TRPV5: variants seen among roughly 807,000 people sequenced by gnomAD.
The protein encoded by TRPV5 is calcium transport protein 2.
In TRPV5, 66 loss-of-function variants were observed where a neutral mutation model predicts 74.1. The ratio of observed to expected loss-of-function variants is 0.89; its 90% confidence interval spans 0.73 to 1.09. The LOEUF (loss-of-function observed/expected upper bound fraction) is 1.09, where lower values mean the gene tolerates loss of function less well. Ranked by LOEUF, TRPV5 falls within the 50% of genes least tolerant of loss-of-function variation. TRPV5 has a pLI of 0.00. For synonymous variants in TRPV5, 399 were observed against 360.7 expected, an observed-to-expected ratio of 1.11 and a Z score of -1.20; for missense variants, 936 against 930.4, an observed-to-expected ratio of 1.01 and a Z score of -0.08.
rs545903248 is a variant in TRPV5, at chr7:142,908,202, C to T, written c.*312G>A. ...ACAGCTTACTACTTTCTAGGGGCTGCGTGGGGCAGAAGAGAAATGGTCCTG... is the reference window on the plus strand; with the variant it reads ...ACAGCTTACTACTTTCTAGGGGCTGTGTGGGGCAGAAGAGAAATGGTCCTG... On this transcript the variant is annotated 3_prime_UTR_variant, in exon 15 of 15. Coordinates refer to ENST00000265310, the MANE Select transcript of TRPV5 (RefSeq NM_019841.7). The T allele has an allele frequency of 7.1e-6, 3 of 419,594 alleles. No individual in the cohort carries two copies. Among genetic ancestry groups the T allele is most frequent in the South Asian group, 3.6e-5 (1 of 28,036 alleles). The allele number at this position is 419,594 out of a possible 1,614,324, so 26.0% of individuals were successfully genotyped here.
At position 142,911,911 on chromosome 7, in the gene TRPV5, C is replaced by T. The variant is rs796160304; in HGVS notation, c.1788+571G>A. Among the ~76,000 whole-genome samples the T allele has an allele frequency of 9.8e-5, 15 of 152,322 alleles. No individual in the cohort carries two copies. In the East Asian group the frequency reaches 2.9e-3, roughly 29 times the overall value. The stretch of plus-strand genomic sequence containing the variant: ...TTTTAGCTCAATGCGACATAAATGT[C>T]TAATAACAAAATCTTTAAAAATATG... On this transcript the variant is annotated intron_variant, in intron 13 of 14. Transcript: ENST00000265310.
chr7:142,931,688 A>C (rs1796099400), intron 1 of TRPV5, among the ~76,000 whole-genome samples: 1 of 152,004 alleles, frequency 6.6e-6, no homozygotes, highest in Non-Finnish European at 1.5e-5. Flanking sequence ...CAGGGCGAAA[A>C]AGTGTTTTTA....
rs907479774 is a variant in TRPV5, at chr7:142,915,636, G to A, written c.1123-68C>T. 10 of 1,510,780 alleles carry A rather than the reference G, an allele frequency of 6.6e-6. No homozygotes were observed. The East Asian group carries it at 9.3e-5, about 14-fold the overall frequency. 93.6% of individuals were successfully genotyped at this position (1,510,780 alleles called of 1,614,324 possible). ...GTCAAATCCTTTTGTGCAAATGATC[G>A]AAAGCTGCTAAAGCCCATCCAAAAT... is the stretch of plus-strand genomic sequence containing the variant. On this transcript the variant is annotated intron_variant, in intron 8 of 14. Coordinates refer to ENST00000265310, the MANE Select transcript of TRPV5 (RefSeq NM_019841.7).
intron 13 of TRPV5, among the ~76,000 whole-genome samples, chr7:142,911,382 T>C (rs1040688997): frequency 6.6e-6 from 1 of 152,202 alleles, no homozygotes; most frequent in Non-Finnish European, 1.5e-5. Context: ...GAGTTTGGTT[T>C]TCTGTCCCTG....
chr7:142,922,075 T>G (rs143321954), intron 8 of TRPV5, among the ~76,000 whole-genome samples: 6 of 152,334 alleles, frequency 3.9e-5, no homozygotes, highest in Non-Finnish European at 8.8e-5. Context: ...AAAATAATAT[T>G]GATGCCAACA....
intron 1 of TRPV5, among the ~76,000 whole-genome samples, chr7:142,931,017 A>AT (rs35738386): frequency 0.035 from 3,501 of 100,272 alleles, 245 homozygotes; most frequent in Middle Eastern, 0.039. Flanking sequence ...CCCTCAGGCT[A>AT]TTTTTTTTTT....
In TRPV5 at chr7:142,912,654, G is replaced by A; in HGVS notation, c.1616C>T (p.Thr539Ile). The change falls in exon 13 of 15, where the codon ACT becomes ATT. Residue 539 changes from threonine to isoleucine, a missense_variant. Physicochemically the swap from Thr to Ile is moderately conservative, Grantham distance 89. Coordinates refer to ENST00000265310, the MANE Select transcript of TRPV5 (RefSeq NM_019841.7). ...ALFTTFELFL[T>I]VIDAPANYDV... ...GTAGTTGGCAGGTGCATCAATAACAGTGAGAAAAAGCTCAAAGGTGGTGAA... is the reference window on the plus strand; with the variant it reads ...GTAGTTGGCAGGTGCATCAATAACAATGAGAAAAAGCTCAAAGGTGGTGAA... The A allele has an allele frequency of 1.9e-6, 3 of 1,614,228 alleles. No homozygotes were observed. Among genetic ancestry groups the A allele is most frequent in the Non-Finnish European group, 2.5e-6 (3 of 1,180,038 alleles).
chr7:142,915,278 G>A (rs1256151607), intron 10 of TRPV5, 29 bp downstream of exon 10: 1 of 1,606,840 alleles, frequency 6.2e-7, no homozygotes, highest in Admixed American at 1.7e-5. Context: ...GTAAGGAAAG[G>A]CAGGGGGCTG....
At chr7:142,913,318 G>C (rs1251712543) in intron 12 of TRPV5, among the ~76,000 whole-genome samples, 1 of 152,192 alleles carries the variant, frequency 6.6e-6, no homozygotes, top group African/African-American at 2.4e-5. Context: ...TGAGCGTAAG[G>C]GAACTTCAGG....
chr7:142,910,671 C>T (rs1795689461), intron 13 of TRPV5, among the ~76,000 whole-genome samples: 1 of 152,208 alleles, frequency 6.6e-6, no homozygotes, highest in Non-Finnish European at 1.5e-5. Flanking sequence ...TTCTTAATTG[C>T]ACCAAGTTCC....
At chr7:142,921,894 T>C (rs556157497) in intron 8 of TRPV5, among the ~76,000 whole-genome samples, 4 of 152,350 alleles carry the variant, frequency 2.6e-5, no homozygotes, top group South Asian at 4.1e-4. Context: ...TATTCCTGCC[T>C]TGAGGCGTTT....
rs1795977110 is a variant in TRPV5 at position 142,925,740 on chromosome 7, GC to G, written c.910del (p.Ala304LeufsTer10). On this transcript the variant is annotated frameshift_variant and splice_region_variant, in exon 8 of 15. Coordinates refer to ENST00000265310, the MANE Select transcript of TRPV5 (RefSeq NM_019841.7). LOFTEE classifies it high-confidence loss of function. Reference protein sequence around the residue: ...ELVVSSDKREARQILEQTPVK... With the variant: ...ELVVSSDKREXRQILEQTPVK... ...TGGGGTCTGTTCCAGAATTTGGCGAGCCTGGCATGGAAGTAGAGTGAAACTT... is the reference window on the plus strand; with the variant it reads ...TGGGGTCTGTTCCAGAATTTGGCGAGCTGGCATGGAAGTAGAGTGAAACTT... The G allele has an allele frequency of 6.2e-7, 1 of 1,613,394 alleles. No homozygotes were observed. Among genetic ancestry groups the G allele is most frequent in the African/African-American group, 1.3e-5 (1 of 74,896 alleles).
In TRPV5 at chr7:142,930,404, G is replaced by A; in HGVS notation, c.171C>T (p.Asp57=). Residue 57 remains aspartate (D), a synonymous_variant, in exon 2 of 15, where the codon GAC becomes GAT. Coordinates refer to ENST00000265310, the MANE Select transcript of TRPV5 (RefSeq NM_019841.7). ...GTAGAAGTTGCCTAAGAACAGACAG[G>A]TCATTTTCCTTGGATGCTCGAAGCA... ...SPLLRASKEN[D]LSVLRQLLLD... 1 of 1,614,202 alleles carries A rather than the reference G, an allele frequency of 6.2e-7. No individual in the cohort carries two copies. Among genetic ancestry groups the A allele is most frequent in the Middle Eastern group, 1.6e-4 (1 of 6,062 alleles).
intron 14 of TRPV5, 84 bp downstream of exon 14, chr7:142,909,406 T>C (rs4252507): frequency 0.98 from 1,417,881 of 1,449,468 alleles, 694,080 homozygotes; most frequent in East Asian, 0.99. Context: ...CAGGCTAATG[T>C]AGGCTCCAGG....
rs151068993 is a variant in TRPV5, at chr7:142,933,426, C to T, written c.34G>A (p.Gly12Arg). ...GGFLPKAEGP[G>R]SQLQKLLPSF... is the part of the protein sequence containing the mutation. ...GGCAGAAGTTTCTGGAGTTGGCTCC[C>T]GGGCCCTTCTGCCTTAGGTAGAAAA... is the stretch of plus-strand genomic sequence containing the variant. The change falls in exon 1 of 15, where the codon GGG becomes AGG. Residue 12 changes from glycine (G) to arginine (R), a missense_variant. Gly to Arg is a moderately radical substitution (Grantham distance 125, BLOSUM62 -2). Transcript: ENST00000265310. 3.7e-5 allele frequency: 59 copies of T among 1,613,984 alleles called. 2 individuals carry two copies. The Middle Eastern group carries it at 3.0e-3, about 81-fold the overall frequency.
At chr7:142,925,838 C>T (rs1422260243) in intron 7 of TRPV5, 97 bp from the exon 8 acceptor site, 3 of 1,006,694 alleles carry the variant, frequency 3.0e-6, no homozygotes, top group South Asian at 1.4e-5. Context: ...AACCATCACT[C>T]ACTCAGCTCA....
At chr7:142,915,224 G>A in intron 10 of TRPV5, 83 bp downstream of exon 10, 2 of 1,559,078 alleles carry the variant, frequency 1.3e-6, no homozygotes, top group Non-Finnish European at 1.7e-6. Context: ...AGTGACCTGA[G>A]GCCTAGAACT....
intron 2 of TRPV5, 72 bp downstream of exon 2, chr7:142,930,277 A>C: frequency 6.2e-7 from 1 of 1,610,522 alleles, no homozygotes; most frequent in Non-Finnish European, 8.5e-7. Context: ...CCTATTTCAC[A>C]AACTCGAAGT....
At chr7:142,932,658 C>T (rs143098424) in intron 1 of TRPV5, among the ~76,000 whole-genome samples, 2 of 152,308 alleles carry the variant, frequency 1.3e-5, no homozygotes, top group East Asian at 3.9e-4. Context: ...GCTGCTCTTC[C>T]TGGGACTGGA....
Sources: allele counts gnomAD v4.1 joint callset (sites outside exome capture counted in the v4.1 genomes callset), GRCh38; gene constraint gnomAD v4.1.1; transcripts MANE v1.5; gene names NCBI Gene and HGNC (gene_info 2026-07-23, HGNC 2026-07-21).